MACROD1: variants seen among roughly 807,000 people sequenced by gnomAD.
The protein encoded by MACROD1 is mono-ADP ribosylhydrolase 1.
MACROD1 carries 31 observed loss-of-function variants against 41.4 expected under a neutral mutation model. The observed-to-expected ratio is 0.75, with a 90% CI of 0.56 to 1.01. The LOEUF (loss-of-function observed/expected upper bound fraction) is 1.01, where lower values mean the gene tolerates loss of function less well. MACROD1 is among the 50% of genes least tolerant of loss of function. The pLI, the probability that MACROD1 is intolerant of heterozygous loss-of-function variation, is 0.00. For missense variants in MACROD1, 473 were observed against 460.0 expected (o/e 1.03, Z -0.26); for synonymous variants, 252 against 203.4 (o/e 1.24, Z -2.03).
At chr11:64,055,429 G>A (rs1236294266) in intron 3 of MACROD1, among the ~76,000 whole-genome samples, 3 of 152,346 alleles carry the variant, frequency 2.0e-5, no homozygotes, top group Non-Finnish European at 2.9e-5. Context: ...AGGCCAGGAC[G>A]GGAGCTAGTG....
intron 3 of MACROD1, 73 bp from the exon 4 acceptor site, chr11:64,015,354 G>T: frequency 1.4e-6 from 2 of 1,440,548 alleles, no homozygotes; most frequent in African/African-American, 1.4e-5. Flanking sequence ...TGAGGGGAGG[G>T]TGATGTCAAG....
chr11:64,060,959 C>T (rs1439724257), intron 3 of MACROD1, among the ~76,000 whole-genome samples: 3 of 151,834 alleles, frequency 2.0e-5, no homozygotes, highest in African/African-American at 2.4e-5. Context: ...GGCGGCGGGG[C>T]TCCCGGGCCG....
chr11:64,079,537 G>C (rs1461955698), intron 3 of MACROD1, among the ~76,000 whole-genome samples: 1 of 152,178 alleles, frequency 6.6e-6, no homozygotes, highest in African/African-American at 2.4e-5. Flanking sequence ...CAAAGGCTTG[G>C]AGGTGAGAGA....
intron 3 of MACROD1, among the ~76,000 whole-genome samples, chr11:64,076,936 G>A (rs1213733079): frequency 2.0e-5 from 3 of 152,186 alleles, no homozygotes; most frequent in East Asian, 1.9e-4. Context: ...GGATCAGCAC[G>A]GAGAGAATTT....
intron 4 of MACROD1, among the ~76,000 whole-genome samples, chr11:64,014,741 T>C (rs1473578173): frequency 6.6e-6 from 1 of 152,176 alleles, no homozygotes; most frequent in African/African-American, 2.4e-5. Context: ...TCTGACCTCC[T>C]GCCTGCCTGG....
intron 3 of MACROD1, among the ~76,000 whole-genome samples, chr11:64,038,386 G>C (rs1943423447): frequency 6.6e-6 from 1 of 152,240 alleles, no homozygotes; most frequent in African/African-American, 2.4e-5. Context: ...TGTGGGTGCA[G>C]GGAAGGGCAG....
intron 1 of MACROD1, among the ~76,000 whole-genome samples, chr11:64,156,273 C>G (rs573189717): frequency 5.3e-5 from 8 of 152,186 alleles, no homozygotes; most frequent in Non-Finnish European, 1.2e-4. Flanking sequence ...AGAGCGAGAC[C>G]TTGTCTCTAA....
At chr11:64,118,218 C>A (rs948207838) in intron 3 of MACROD1, 1 of 1,613,014 alleles carries the variant, frequency 6.2e-7, no homozygotes, top group Non-Finnish European at 8.5e-7. Flanking sequence ...CAAGGCCACA[C>A]ACACCATTGG....
chr11:64,074,520 C>T (rs1478375448), intron 3 of MACROD1, among the ~76,000 whole-genome samples: 1 of 152,224 alleles, frequency 6.6e-6, no homozygotes. Flanking sequence ...AGTTTCTGGC[C>T]TAAGGTCACG....
intron 3 of MACROD1, among the ~76,000 whole-genome samples, chr11:64,029,852 T>A (rs1189731720): frequency 6.6e-6 from 1 of 152,136 alleles, no homozygotes; most frequent in African/African-American, 2.4e-5. Context: ...TATTCTCTGC[T>A]GGGAATGATC....
chr11:64,149,607 C>A (rs995989777), intron 3 of MACROD1, among the ~76,000 whole-genome samples: 1 of 152,240 alleles, frequency 6.6e-6, no homozygotes, highest in Admixed American at 6.5e-5. Flanking sequence ...CATGTTGCAG[C>A]GAACCACCAA....
At chr11:64,116,496 G>C in intron 3 of MACROD1, 1 of 1,613,828 alleles carries the variant, frequency 6.2e-7, no homozygotes, top group Non-Finnish European at 8.5e-7. Context: ...ATCCATCCCC[G>C]CAGATATCCC....
rs370416266 is a variant in MACROD1 at position 64,067,419 on chromosome 11, C to A, written c.518-52138G>T. ...TTCAATACCTGAGCCTTTCAGCTCA[C>A]AAATCATGCCCCCGGCCCAGGTGAC... On this transcript the variant is annotated intron_variant, in intron 3 of 10. Coordinates refer to ENST00000255681, the MANE Select transcript of MACROD1 (RefSeq NM_014067.4). This position sits in a 1 kb window ranked among gnomAD's most constrained non-coding sequence, Gnocchi z 4.6. Among the ~76,000 whole-genome samples, 70 of 152,278 alleles carry A rather than the reference C, an allele frequency of 4.6e-4. No individual in the cohort carries two copies. The highest frequency in any genetic ancestry group is 1.5e-3 in the African/African-American group (61 of 41,564).
At chr11:64,002,697 C>A (rs1301317383) in intron 4 of MACROD1, among the ~76,000 whole-genome samples, 1 of 152,184 alleles carries the variant, frequency 6.6e-6, no homozygotes, top group Non-Finnish European at 1.5e-5. Context: ...GCCATAGGCC[C>A]AAAGGACCCC....
At chr11:64,114,011 C>CATGGATGG (rs140487195) in intron 3 of MACROD1, among the ~76,000 whole-genome samples, 1 of 95,518 alleles carries the variant, frequency 1.0e-5, no homozygotes, top group African/African-American at 4.4e-5. Flanking sequence ...CAGGTGGATG[C>CATGGATGG]ATGGATGGAT....
At position 63,998,885 on chromosome 11, in the gene MACROD1, G is replaced by A. The variant is rs761783580; in HGVS notation, c.974-13C>T. ...CGGGAGCCTCAGGCTGGAAGGCAGA[G>A]GACAGTGAGAGCCCGCCCCCAGGGT... On this transcript the variant is annotated splice_polypyrimidine_tract_variant and intron_variant, in intron 9 of 10. Transcript: ENST00000255681. 3.1e-6 allele frequency: 5 copies of A among 1,596,850 alleles called. No individual in the cohort carries two copies. The highest frequency in any genetic ancestry group is 2.2e-5 in the East Asian group (1 of 44,500).
rs74740521 is a variant in MACROD1, at chr11:64,011,498, C to T, written c.547+3754G>A. ...GGCTCCCAGGGCACACAGAGGGTGC[C>T]ACTCACTGCACCACAGATGTTAATT... On this transcript the variant is annotated intron_variant, in intron 4 of 10. Coordinates refer to ENST00000255681, the MANE Select transcript of MACROD1 (RefSeq NM_014067.4). Among the ~76,000 whole-genome samples the T allele has an allele frequency of 2.0e-3, 307 of 152,016 alleles. 9 individuals are homozygous for T. In the East Asian group the frequency reaches 0.046, roughly 23 times the overall value.
chr11:64,137,099 G>A (rs993705422), intron 3 of MACROD1, among the ~76,000 whole-genome samples: 2 of 152,332 alleles, frequency 1.3e-5, no homozygotes, highest in Admixed American at 6.5e-5. Context: ...TTTAAACTCC[G>A]ATATTAAGGA....
chr11:63,999,339 T>G lies in MACROD1; in HGVS notation c.883A>C (p.Lys295Gln). Residue 295 changes from lysine to glutamine, a missense_variant, in exon 8 of 11, where the codon AAG becomes CAG. Transcript: ENST00000255681. ...CCGGGCCCAGGACTCACCTTGTCCT[T>G]GTGCTGCTCCAGCCACTCTCGCAGC... ...ATLREWLEQH[K>Q]DKVDRLIICV... 2.6e-6 allele frequency: 4 copies of G among 1,567,568 alleles called. No homozygotes were observed. The highest frequency in any genetic ancestry group is 3.4e-6 in the Non-Finnish European group (4 of 1,162,896).
Sources: allele counts gnomAD v4.1 joint callset (sites outside exome capture counted in the v4.1 genomes callset), GRCh38; gene constraint gnomAD v4.1.1; non-coding constraint Gnocchi (gnomAD v3.1); transcripts MANE v1.5; gene names NCBI Gene and HGNC (gene_info 2026-07-23, HGNC 2026-07-21).